Variants in ADCY2 observed in about 807,000 individuals in gnomAD.
ADCY2 encodes adenylate cyclase 2, also known as adenylate cyclase type 2.
In ADCY2, 31 loss-of-function variants were observed where a neutral mutation model predicts 125.2. The observed-to-expected ratio is 0.25, with a 90% confidence interval of 0.19 to 0.33. ADCY2 has a LOEUF of 0.33. ADCY2 is among the 10% of genes least tolerant of loss of function. The pLI is 1.00. For synonymous variants in ADCY2, 512 were observed against 548.4 expected, an observed-to-expected ratio of 0.93 and a Z score of 0.93; for missense variants, 904 against 1,418.2, an observed-to-expected ratio of 0.64 and a Z score of 5.82.
rs987644372 is a variant in ADCY2, at chr5:7,829,084, C to G, written c.*2213C>G. On this transcript the variant is annotated 3_prime_UTR_variant, in exon 25 of 25. Transcript: ENST00000338316. ...TTGTCAGAATCCACTATGGGAAGCTCTGTGTGTACCTGGTCCCTTCTAGGT... is the reference window on the plus strand; with the variant it reads ...TTGTCAGAATCCACTATGGGAAGCTGTGTGTGTACCTGGTCCCTTCTAGGT... 1 of 152,396 alleles carries G rather than the reference C, an allele frequency of 6.6e-6. No individual in the cohort carries two copies. Among genetic ancestry groups the G allele is most frequent in the African/African-American group, 2.4e-5 (1 of 41,462 alleles). 9.4% of individuals were successfully genotyped at this position (152,396 alleles called of 1,614,324 possible).
chr5:7,739,499 G>T lies in ADCY2; in HGVS notation c.1872-4169G>T, dbSNP rs144576306. ...GTTAAAAATCAATTGTCCAAATTTC[G>T]ATCTTAGGAAGCAGAAAAAGATGAG... On this transcript the variant is annotated intron_variant, in intron 14 of 24. Coordinates refer to ENST00000338316, the MANE Select transcript of ADCY2 (RefSeq NM_020546.3). 2.6e-3 allele frequency among the ~76,000 whole-genome samples: 390 copies of T among 151,776 alleles called. 4 individuals are homozygous for T. The highest frequency in any genetic ancestry group is 9.1e-3 in the African/African-American group (379 of 41,494).
chr5:7,417,883 A>G (rs1008811241), intron 2 of ADCY2, among the ~76,000 whole-genome samples: 2 of 152,244 alleles, frequency 1.3e-5, no homozygotes, highest in African/African-American at 4.8e-5. Context: ...AATGCTGTCC[A>G]GCCATTGGCA....
At chr5:7,737,031 A>G (rs908124105) in intron 14 of ADCY2, among the ~76,000 whole-genome samples, 2 of 152,214 alleles carry the variant, frequency 1.3e-5, no homozygotes, top group African/African-American at 4.8e-5. Context: ...TTTCAAAAGA[A>G]AAAGGAAGGA....
chr5:7,576,890 G>A (rs1006501362), intron 3 of ADCY2, among the ~76,000 whole-genome samples: 4 of 152,114 alleles, frequency 2.6e-5, no homozygotes, highest in Non-Finnish European at 5.9e-5. Flanking sequence ...TTTAAAATTG[G>A]CAGACTATTT....
chr5:7,518,827 C>G (rs1467094718), intron 2 of ADCY2, among the ~76,000 whole-genome samples: 2 of 152,166 alleles, frequency 1.3e-5, no homozygotes, highest in African/African-American at 2.4e-5. Flanking sequence ...GCCCTTCTCT[C>G]AGGACGCAGA....
In ADCY2 at chr5:7,412,919, A is replaced by AT. The variant is rs547299237; in HGVS notation, c.211-1653dup. ...GGTTGTAAAGATTAAAGAGGTTAAT[A>AT]TATGTAAGCCTGCTTAGCACAAGTA... On this transcript the variant is annotated intron_variant, in intron 1 of 24. Coordinates refer to ENST00000338316, the MANE Select transcript of ADCY2 (RefSeq NM_020546.3). Among the ~76,000 whole-genome samples, 261 of 152,358 alleles carry AT rather than the reference A, an allele frequency of 1.7e-3. 1 individual carries two copies. The highest frequency in any genetic ancestry group is 5.7e-3 in the African/African-American group (239 of 41,580).
intron 5 of ADCY2, among the ~76,000 whole-genome samples, chr5:7,694,599 T>TAA (rs1740828327): frequency 6.6e-6 from 1 of 152,216 alleles, no homozygotes; most frequent in African/African-American, 2.4e-5. Flanking sequence ...TCAGCACATG[T>TAA]CAGAATTTCA....
chr5:7,533,016 CAT>C (rs893676644), intron 3 of ADCY2, among the ~76,000 whole-genome samples: 115 of 149,390 alleles, frequency 7.7e-4, no homozygotes, highest in African/African-American at 2.6e-3. Flanking sequence ...GATATGTATA[CAT>C]ATATATGTAT....
chr5:7,738,598 C>T (rs957531980), intron 14 of ADCY2, among the ~76,000 whole-genome samples: 11 of 151,696 alleles, frequency 7.3e-5, no homozygotes, highest in Non-Finnish European at 1.5e-4. Flanking sequence ...CTAAATACTC[C>T]AAAGGAAAGT....
At position 7,709,426 on chromosome 5, in the gene ADCY2, G is replaced by A; in HGVS notation, c.1578+39G>A. ...TGCCTCCAATGCCTGAGCACTGGGG[G>A]AAAGCTAACTTCCCAAAACCAAAGG... On this transcript the variant is annotated intron_variant, in intron 10 of 24. Transcript: ENST00000338316. This position sits in a 1 kb window ranked among gnomAD's most constrained non-coding sequence, Gnocchi z 4.4. 1 of 1,509,422 alleles carries A rather than the reference G, an allele frequency of 6.6e-7. No homozygotes were observed. Among genetic ancestry groups the A allele is most frequent in the Non-Finnish European group, 8.9e-7 (1 of 1,129,246 alleles). The allele number at this position is 1,509,422 out of a possible 1,614,324, so 93.5% of individuals were successfully genotyped here. A position where few individuals can be genotyped will look rare whatever the true frequency, so the allele number is the denominator to read the frequency against.
chr5:7,800,667 GA>G (rs1001359652), intron 20 of ADCY2: 4 of 151,698 alleles, frequency 2.6e-5, no homozygotes, highest in Admixed American at 2.0e-4. Context: ...GTCTCAAAAA[GA>G]AAAAAAAGTA....
chr5:7,418,645 C>CTTTTT (rs1160037097), intron 2 of ADCY2, among the ~76,000 whole-genome samples: 5 of 92,496 alleles, frequency 5.4e-5, no homozygotes, highest in African/African-American at 1.0e-4. Flanking sequence ...AGTCTACCTT[C>CTTTTT]TGTTTTTTTT....
rs78451854 is a variant in ADCY2, at chr5:7,662,865, G to A, written c.721-27826G>A. Among the ~76,000 whole-genome samples the A allele has an allele frequency of 9.3e-3, 1,413 of 152,280 alleles. 17 individuals carry two copies. The highest frequency in any genetic ancestry group is 0.031 in the African/African-American group (1,307 of 41,542). On this transcript the variant is annotated intron_variant, in intron 4 of 24. Coordinates refer to ENST00000338316, the MANE Select transcript of ADCY2 (RefSeq NM_020546.3). ...ACTGCCTTTGGCATGCTCAGAAGCAGGTCCAATCCTAGCATGAGCAAGGAA... is the reference window on the plus strand; with the variant it reads ...ACTGCCTTTGGCATGCTCAGAAGCAAGTCCAATCCTAGCATGAGCAAGGAA...
At chr5:7,768,298 A>G (rs556372171) in intron 17 of ADCY2, among the ~76,000 whole-genome samples, 2 of 152,202 alleles carry the variant, frequency 1.3e-5, no homozygotes, top group South Asian at 2.1e-4. Context: ...GAGTTTATTG[A>G]CTGTAATCTC....
At chr5:7,722,727 G>A (rs1009481002) in intron 12 of ADCY2, among the ~76,000 whole-genome samples, 2 of 152,006 alleles carry the variant, frequency 1.3e-5, no homozygotes, top group Admixed American at 6.6e-5. Context: ...GCAAGGCCGA[G>A]GTGGGCAGAC....
intron 1 of ADCY2, among the ~76,000 whole-genome samples, chr5:7,405,428 C>T (rs906697403): frequency 4.2e-4 from 63 of 151,516 alleles, no homozygotes; most frequent in African/African-American, 1.4e-3. Context: ...GTTAGTTAAT[C>T]GCTGGATTAC....
chr5:7,475,281 C>T (rs1742479923), intron 2 of ADCY2, among the ~76,000 whole-genome samples: 2 of 152,290 alleles, frequency 1.3e-5, no homozygotes, highest in South Asian at 4.2e-4. Context: ...GCCTGAATCT[C>T]CTCTGAGGGG....
Position 7,689,615 on chromosome 5 carries a change from C to T in ADCY2, c.721-1076C>T, listed in dbSNP as rs80219598. Among the ~76,000 whole-genome samples, 1,310 of 152,166 alleles carry T rather than the reference C, an allele frequency of 8.6e-3. 6 individuals are homozygous for T. The highest frequency in any genetic ancestry group is 0.011 in the Non-Finnish European group (767 of 68,018). On this transcript the variant is annotated intron_variant, in intron 4 of 24. Coordinates refer to ENST00000338316, the MANE Select transcript of ADCY2 (RefSeq NM_020546.3). Reference sequence around the variant, plus strand: ...CAGAAGTTTCCAACAGCCACCAAAGCGATGTGCACTAGGAGTAGACAAAGA... The same window carrying T: ...CAGAAGTTTCCAACAGCCACCAAAGTGATGTGCACTAGGAGTAGACAAAGA...
At chr5:7,769,920 A>C (rs2126478431) in intron 17 of ADCY2, among the ~76,000 whole-genome samples, 1 of 152,350 alleles carries the variant, frequency 6.6e-6, no homozygotes, top group Non-Finnish European at 1.5e-5. Context: ...CTCCAATAGA[A>C]GTCGGTTCAG....
Sources: allele counts gnomAD v4.1 joint callset (sites outside exome capture counted in the v4.1 genomes callset), GRCh38; gene constraint gnomAD v4.1.1; non-coding constraint Gnocchi (gnomAD v3.1); transcripts MANE v1.5; gene names NCBI Gene and HGNC (gene_info 2026-07-23, HGNC 2026-07-21).